TPCN2: variants seen among roughly 807,000 people sequenced by gnomAD.
TPCN2 encodes two pore channel protein 2.
A neutral mutation model predicts 111.4 loss-of-function variants in TPCN2; 92 were observed. That is an observed-to-expected ratio of 0.83 (90% confidence interval 0.70 to 0.98). The LOEUF (loss-of-function observed/expected upper bound fraction) is 0.98, where lower values mean the gene tolerates loss of function less well. Ranked by LOEUF, TPCN2 falls within the 50% of genes least tolerant of loss-of-function variation. The probability of loss-of-function intolerance (pLI) is 0.00; values close to 1 mark genes in which losing one functional copy is unlikely to be tolerated. For synonymous variants in TPCN2, 405 were observed against 414.5 expected (o/e 0.98, Z 0.28); for missense variants, 995 against 980.1 (o/e 1.02, Z -0.20).
intron 5 of TPCN2, among the ~76,000 whole-genome samples, chr11:69,058,863 G>A (rs564475273): frequency 1.1e-3 from 160 of 152,376 alleles, no homozygotes; most frequent in African/African-American, 3.6e-3. Context: ...TCTGAGTTAC[G>A]GTTGTGGCAG....
chr11:69,075,434 G>A (rs532433443), intron 13 of TPCN2, among the ~76,000 whole-genome samples: 15 of 152,322 alleles, frequency 9.8e-5, no homozygotes, highest in East Asian at 7.7e-4. Flanking sequence ...TAGGAATGCA[G>A]TGGGAGTTTG....
At chr11:69,087,066 T>C in intron 23 of TPCN2, 46 bp from the exon 24 acceptor site, 3 of 1,560,168 alleles carry the variant, frequency 1.9e-6, no homozygotes, top group Non-Finnish European at 2.6e-6. Context: ...GCAAGGCTGC[T>C]TTCATTCGGG....
rs561311045 is a variant in TPCN2, at chr11:69,070,184, C to T, written c.830-246C>T. 6.6e-5 allele frequency among the ~76,000 whole-genome samples: 10 copies of T among 152,144 alleles called. No homozygotes were observed. In the East Asian group the frequency reaches 1.7e-3, roughly 27 times the overall value. Reference sequence around the variant, plus strand: ...GGTTTACAGGCATGAGCCACCACACCTGGCTAATTTTTGTATTTTTAGTAG... The same window carrying T: ...GGTTTACAGGCATGAGCCACCACACTTGGCTAATTTTTGTATTTTTAGTAG... On this transcript the variant is annotated intron_variant, in intron 8 of 24. Coordinates refer to ENST00000294309, the MANE Select transcript of TPCN2 (RefSeq NM_139075.4).
chr11:69,060,176 C>T (rs949330273), intron 5 of TPCN2, among the ~76,000 whole-genome samples: 2 of 152,226 alleles, frequency 1.3e-5, no homozygotes, highest in Admixed American at 6.5e-5. Flanking sequence ...CCCTGTCCTC[C>T]ACTTGGGAAC....
intron 17 of TPCN2, among the ~76,000 whole-genome samples, chr11:69,080,945 G>A (rs1363731382): frequency 1.3e-5 from 2 of 152,174 alleles, no homozygotes; most frequent in Admixed American, 1.3e-4. Context: ...ATGGGGTCAG[G>A]GTCAGGGTCA....
At chr11:69,082,292 A>T (rs1262893984) in intron 18 of TPCN2, among the ~76,000 whole-genome samples, 1 of 152,254 alleles carries the variant, frequency 6.6e-6, no homozygotes, top group East Asian at 1.9e-4. Flanking sequence ...ACGTGATCTC[A>T]CACACAACCA....
intron 5 of TPCN2, among the ~76,000 whole-genome samples, chr11:69,059,409 G>T (rs1292442154): frequency 6.6e-6 from 1 of 152,176 alleles, no homozygotes; most frequent in Non-Finnish European, 1.5e-5. Context: ...AATGGGGGAG[G>T]TGGGAAGTGG....
At chr11:69,069,154 G>T (rs1590727179) in intron 8 of TPCN2, among the ~76,000 whole-genome samples, 3 of 139,504 alleles carry the variant, frequency 2.2e-5, no homozygotes, top group African/African-American at 5.4e-5. Context: ...CCTAGGAAGT[G>T]ACCGCAGTGG....
intron 13 of TPCN2, among the ~76,000 whole-genome samples, chr11:69,074,753 A>G (rs534178840): frequency 2.7e-3 from 415 of 152,318 alleles, no homozygotes; most frequent in Non-Finnish European, 4.7e-3. Flanking sequence ...TGATATGACT[A>G]AAGGGGCAGG....
intron 13 of TPCN2, among the ~76,000 whole-genome samples, chr11:69,075,023 G>A (rs10792020): frequency 0.44 from 66,248 of 152,084 alleles, 14,852 homozygotes; most frequent in Non-Finnish European, 0.5. Context: ...TGCTTTGGCC[G>A]TGACCCAGTA....
chr11:69,087,078 C>G (rs766032114), intron 23 of TPCN2, 34 bp from the exon 24 acceptor site: 1 of 1,583,992 alleles, frequency 6.3e-7, no homozygotes, highest in Admixed American at 1.7e-5. Flanking sequence ...TCATTCGGGG[C>G]CCACACTCAC....
intron 10 of TPCN2, 91 bp from the exon 11 acceptor site, chr11:69,071,832 C>T (rs1163149655): frequency 1.6e-6 from 2 of 1,238,714 alleles, no homozygotes; most frequent in Non-Finnish European, 1.2e-6. Context: ...GCCCAGACTC[C>T]CCCTCTGCCT....
chr11:69,053,552 T>C (rs770248569), intron 1 of TPCN2, among the ~76,000 whole-genome samples: 7 of 151,726 alleles, frequency 4.6e-5, no homozygotes, highest in Non-Finnish European at 8.8e-5. Context: ...GGAAGAGGGG[T>C]GACAGCAGCC....
At chr11:69,087,247 A>T in intron 24 of TPCN2, 41 bp downstream of exon 24, 3 of 1,566,706 alleles carry the variant, frequency 1.9e-6, no homozygotes, top group Non-Finnish European at 2.6e-6. Flanking sequence ...GCCCCCTGGG[A>T]TGGGAAGCCA....
chr11:69,058,342 C>G (rs1854866170), intron 5 of TPCN2, among the ~76,000 whole-genome samples: 2 of 152,202 alleles, frequency 1.3e-5, no homozygotes, highest in African/African-American at 4.8e-5. Context: ...AACCCAGAAC[C>G]ACCGGGAGCA....
intron 13 of TPCN2, among the ~76,000 whole-genome samples, chr11:69,076,208 A>G (rs954183791): frequency 2.0e-5 from 3 of 152,150 alleles, no homozygotes; most frequent in African/African-American, 7.2e-5. Context: ...GGTTTTGCCC[A>G]CAGGAATGCA....
intron 19 of TPCN2, chr11:69,084,590 C>A: frequency 1.0e-6 from 1 of 985,388 alleles, no homozygotes; most frequent in Non-Finnish European, 1.2e-6. Context: ...CCCAGATCCG[C>A]GCCGTGCAGA....
rs2134569791 is a variant in TPCN2 at position 69,067,510 on chromosome 11, A to G, written c.734A>G (p.Asp245Gly). 1 of 1,613,460 alleles carries G rather than the reference A, an allele frequency of 6.2e-7. No individual in the cohort carries two copies. The highest frequency in any genetic ancestry group is 8.5e-7 in the Non-Finnish European group (1 of 1,179,928). ...TGCCGCTTCTGCTCTTAGCAGGATG[A>G]TGGGCAGGACAGGGAGAGGCTGACC... ...MLLFAGGKQD[D>G]GQDRERLTYF... The change falls in exon 8 of 25, where the codon GAT becomes GGT. Residue 245 changes from aspartate (D) to glycine (G), a missense_variant. By Grantham distance (94) the Asp-to-Gly change is moderately conservative. Coordinates refer to ENST00000294309, the MANE Select transcript of TPCN2 (RefSeq NM_139075.4).
chr11:69,053,333 G>A (rs1861318993), intron 1 of TPCN2, among the ~76,000 whole-genome samples: 1 of 152,184 alleles, frequency 6.6e-6, no homozygotes, highest in Non-Finnish European at 1.5e-5. Flanking sequence ...GAGTGATTTG[G>A]GTGGGCTTGC....
Sources: gnomAD v4.1 joint callset for allele counts (sites outside exome capture counted in the v4.1 genomes callset) on GRCh38, gnomAD v4.1.1 for gene constraint, MANE v1.5 for transcripts, NCBI Gene and HGNC (gene_info 2026-07-23, HGNC 2026-07-21) for gene names.